Variants in CNTNAP5 observed in about 807,000 individuals in gnomAD.
The protein encoded by CNTNAP5 is contactin-associated protein-like 5.
CNTNAP5 carries 72 observed loss-of-function variants against 150.2 expected under a neutral mutation model. The ratio of observed to expected loss-of-function variants is 0.48; its 90% CI spans 0.40 to 0.58. The LOEUF is 0.58. Ranked by LOEUF, CNTNAP5 falls within the 20% of genes least tolerant of loss-of-function variation. The probability of loss-of-function intolerance (pLI) is 0.00; values close to 1 mark genes in which losing one functional copy is unlikely to be tolerated. For synonymous variants in CNTNAP5, 672 were observed against 619.8 expected, an observed-to-expected ratio of 1.08 and a Z score of -1.25; for missense variants, 1,636 against 1,626.2, an observed-to-expected ratio of 1.01 and a Z score of -0.10.
chr2:124,232,939 GT>G (rs1308735867), intron 2 of CNTNAP5, among the ~76,000 whole-genome samples: 3 of 151,640 alleles, frequency 2.0e-5, no homozygotes, highest in Admixed American at 1.3e-4. Context: ...ATTGAAAGGT[GT>G]TCATATTTCT....
At chr2:124,613,460 C>T (rs1677426974) in intron 12 of CNTNAP5, among the ~76,000 whole-genome samples, 1 of 152,188 alleles carries the variant, frequency 6.6e-6, no homozygotes, top group Non-Finnish European at 1.5e-5. Context: ...AGATCTGGGT[C>T]CTCTGGCTTC....
chr2:124,896,273 G>GCA (rs139399891), intron 21 of CNTNAP5, among the ~76,000 whole-genome samples: 31 of 149,964 alleles, frequency 2.1e-4, no homozygotes, highest in Admixed American at 1.1e-3. Flanking sequence ...TGAAATGCAT[G>GCA]CACACACACA....
chr2:124,099,893 C>G (rs936753132), intron 1 of CNTNAP5, among the ~76,000 whole-genome samples: 2 of 152,118 alleles, frequency 1.3e-5, no homozygotes, highest in African/African-American at 2.4e-5. Context: ...ATTAATGAGA[C>G]CTCCATCCAT....
intron 1 of CNTNAP5, among the ~76,000 whole-genome samples, chr2:124,028,852 G>A (rs565172707): frequency 3.9e-5 from 6 of 152,088 alleles, no homozygotes; most frequent in East Asian, 3.9e-4. Context: ...TGAGGTATGC[G>A]TCTACTCCAA....
chr2:124,691,320 G>A (rs1200001485), intron 13 of CNTNAP5, among the ~76,000 whole-genome samples: 1 of 152,078 alleles, frequency 6.6e-6, no homozygotes, highest in Non-Finnish European at 1.5e-5. Context: ...AAAAGTTGGT[G>A]GGTAAAGTTA....
chr2:124,418,732 C>A (rs991065971), intron 4 of CNTNAP5, among the ~76,000 whole-genome samples: 1 of 152,224 alleles, frequency 6.6e-6, no homozygotes, highest in Non-Finnish European at 1.5e-5. Context: ...TATGATAAAG[C>A]ACAGAACACC....
chr2:124,279,876 A>C (rs572588257), intron 3 of CNTNAP5, among the ~76,000 whole-genome samples: 1 of 152,196 alleles, frequency 6.6e-6, no homozygotes, highest in East Asian at 1.9e-4. Flanking sequence ...CACCCTCCCC[A>C]GTCCCTACAT....
intron 19 of CNTNAP5, among the ~76,000 whole-genome samples, chr2:124,834,175 C>T (rs1228223630): frequency 1.3e-5 from 2 of 152,084 alleles, no homozygotes; most frequent in Non-Finnish European, 2.9e-5. Context: ...ATTGGCAGAA[C>T]CAAGATTCGC....
chr2:124,293,544 G>T (rs1462687461), intron 3 of CNTNAP5, among the ~76,000 whole-genome samples: 1 of 151,968 alleles, frequency 6.6e-6, no homozygotes, highest in African/African-American at 2.4e-5. Context: ...GTAACATAAT[G>T]TTCAGCAAAT....
chr2:124,155,944 G>A (rs537852279), intron 1 of CNTNAP5, among the ~76,000 whole-genome samples: 1 of 152,346 alleles, frequency 6.6e-6, no homozygotes, highest in East Asian at 1.9e-4. Context: ...AAGTGGGATA[G>A]AGCAAGCCTT....
At chr2:124,764,975 G>A (rs150470126) in intron 16 of CNTNAP5, among the ~76,000 whole-genome samples, 1 of 152,084 alleles carries the variant, frequency 6.6e-6, no homozygotes, top group Non-Finnish European at 1.5e-5. Context: ...TAAAATTTAA[G>A]TTTTTTCATA....
At chr2:124,888,702 T>C (rs1678130815) in intron 21 of CNTNAP5, among the ~76,000 whole-genome samples, 2 of 152,182 alleles carry the variant, frequency 1.3e-5, no homozygotes, top group Non-Finnish European at 1.5e-5. Flanking sequence ...CAATTAGTGA[T>C]GTTGAGCATT....
chr2:124,414,313 T>A (rs2584356), intron 3 of CNTNAP5, among the ~76,000 whole-genome samples: 120,194 of 151,910 alleles, frequency 0.79, 47,702 homozygotes, highest in East Asian at 0.97. Flanking sequence ...ACTGGTGAAC[T>A]TGGGGAGGGG....
intron 8 of CNTNAP5, among the ~76,000 whole-genome samples, chr2:124,521,084 G>A (rs1013818074): frequency 9.2e-5 from 14 of 152,118 alleles, no homozygotes; most frequent in African/African-American, 3.4e-4. Flanking sequence ...CAATTTCCCA[G>A]CTTCTTTCCT....
intron 13 of CNTNAP5, among the ~76,000 whole-genome samples, chr2:124,698,854 C>A (rs1679460536): frequency 6.6e-6 from 1 of 152,150 alleles, no homozygotes; most frequent in East Asian, 1.9e-4. Flanking sequence ...GAGACTCACT[C>A]TGCCCTCTTT....
chr2:124,848,824 T>C (rs191435837), intron 19 of CNTNAP5, among the ~76,000 whole-genome samples: 183 of 152,346 alleles, frequency 1.2e-3, no homozygotes, highest in African/African-American at 4.3e-3. Context: ...TCCAGAACTT[T>C]TGCTCACTTT....
rs772217354 is a variant in CNTNAP5, at chr2:124,865,371, A to T, written c.3283A>T (p.Asn1095Tyr). The T allele has an allele frequency of 1.3e-5, 20 of 1,557,572 alleles. No homozygotes were observed. Among genetic ancestry groups the T allele is most frequent in the African/African-American group, 4.1e-5 (3 of 73,488 alleles). Residue 1095 changes from asparagine (N) to tyrosine (Y), a missense_variant, in exon 20 of 24, where the codon AAC becomes TAC. Physicochemically the swap from Asn to Tyr is moderately radical, Grantham distance 143 (BLOSUM62 -2). Transcript: ENST00000682447. The part of the protein sequence containing the change: ...ETHVFTIDAD[N>Y]FANRRMHHLK... ...CCATGTATTCACCATTGATGCAGAT[A>T]ACTTTGCTAACAGAAGGATGCACCA...
chr2:124,489,891 C>G (rs1693977385), intron 7 of CNTNAP5, among the ~76,000 whole-genome samples: 1 of 152,146 alleles, frequency 6.6e-6, no homozygotes, highest in Non-Finnish European at 1.5e-5. Flanking sequence ...CCATCCAATG[C>G]TCCTTCCATG....
chr2:124,780,820 C>A (rs1279192517), intron 17 of CNTNAP5, among the ~76,000 whole-genome samples: 3 of 152,230 alleles, frequency 2.0e-5, no homozygotes, highest in Non-Finnish European at 4.4e-5. Flanking sequence ...GCCTTCTGGG[C>A]AGTCAGGATT....
Sources: gnomAD v4.1 joint callset for allele counts (sites outside exome capture counted in the v4.1 genomes callset) on GRCh38, gnomAD v4.1.1 for gene constraint, MANE v1.5 for transcripts, NCBI Gene and HGNC (gene_info 2026-07-23, HGNC 2026-07-21) for gene names.